FAM20B: variants seen among roughly 807,000 people sequenced by gnomAD.
FAM20B encodes glycosaminoglycan xylosylkinase.
A neutral mutation model predicts 43.8 loss-of-function variants in FAM20B; 23 were observed. The observed-to-expected ratio is 0.53, with a 90% confidence interval of 0.38 to 0.74. The LOEUF (loss-of-function observed/expected upper bound fraction) is 0.74. Ranked by LOEUF, FAM20B falls within the 30% of genes least tolerant of loss-of-function variation. The pLI, the probability that FAM20B is intolerant of heterozygous loss-of-function variation, is 0.00. For synonymous variants in FAM20B, 178 were observed against 192.4 expected (o/e 0.93, Z 0.62); for missense variants, 440 against 510.5 (o/e 0.86, Z 1.33).
chr1:179,033,322 C>T (rs1572529045), intron 1 of FAM20B, among the ~76,000 whole-genome samples: 1 of 152,208 alleles, frequency 6.6e-6, no homozygotes, highest in African/African-American at 2.4e-5. Context: ...CTTGTGGTAC[C>T]TTTAAGAGAC....
intron 2 of FAM20B, among the ~76,000 whole-genome samples, chr1:179,049,738 C>T (rs935733400): frequency 2.0e-5 from 3 of 152,176 alleles, no homozygotes; most frequent in Admixed American, 2.0e-4. Context: ...GATGGGGTTT[C>T]GCCATGTTGG....
intron 1 of FAM20B, among the ~76,000 whole-genome samples, chr1:179,040,441 C>T (rs1401879383): frequency 6.6e-6 from 1 of 150,564 alleles, no homozygotes; most frequent in African/African-American, 2.4e-5. Context: ...GGCGGCCGGG[C>T]AGAGGCGCCC....
chr1:179,063,886 G>A lies in FAM20B; in HGVS notation c.575-41G>A, dbSNP rs190818638. The stretch of plus-strand genomic sequence containing the variant: ...ATTTGGGAGAGAACTTGGAGTCTTC[G>A]TTATTTCCTTAAGTGTATTTGGCTC... On this transcript the variant is annotated intron_variant, in intron 4 of 7. Transcript: ENST00000263733. The A allele has an allele frequency of 4.8e-5, 71 of 1,480,188 alleles. No individual in the cohort carries two copies. In the Admixed American group the frequency reaches 4.9e-4, roughly 10 times the overall value. The allele number at this position is 1,480,188 out of a possible 1,614,324, so 91.7% of individuals were successfully genotyped here.
At chr1:179,019,974 G>A in the FAM20B span, among the ~76,000 whole-genome samples, 1 of 152,130 alleles carries the variant, frequency 6.6e-6, no homozygotes, top group Admixed American at 6.5e-5. Flanking sequence ...TGAGGTACTG[G>A]TTCTTTCTCC....
intron 1 of FAM20B, among the ~76,000 whole-genome samples, chr1:179,028,563 A>G (rs1304206264): frequency 6.6e-6 from 1 of 152,204 alleles, no homozygotes; most frequent in African/African-American, 2.4e-5. Flanking sequence ...GACTGCTGAC[A>G]GTGAGACTCC....
chr1:179,067,086 T>G (rs1245080407), intron 7 of FAM20B, among the ~76,000 whole-genome samples: 1 of 151,958 alleles, frequency 6.6e-6, no homozygotes, highest in African/African-American at 2.4e-5. Context: ...AATAGAAGAT[T>G]GTATGTATAC....
At chr1:179,053,582 C>T (rs72709410) in intron 3 of FAM20B, among the ~76,000 whole-genome samples, 3,285 of 152,250 alleles carry the variant, frequency 0.022, 64 homozygotes, top group Middle Eastern at 0.048. Context: ...TCCCTTGCCT[C>T]TGGGGGTATC....
At chr1:179,069,431 C>T (rs1412112287) in intron 7 of FAM20B, among the ~76,000 whole-genome samples, 1 of 152,128 alleles carries the variant, frequency 6.6e-6, no homozygotes, top group African/African-American at 2.4e-5. Flanking sequence ...AGTGTAGTGG[C>T]ACGATCTCGG....
chr1:179,066,733 A>C, intron 6 of FAM20B, 67 bp from the exon 7 acceptor site: 1 of 1,056,740 alleles, frequency 9.5e-7, no homozygotes, highest in Non-Finnish European at 1.5e-6. Context: ...AGAATTTGCT[A>C]TTGCTTTGAT....
chr1:179,054,362 C>T (rs1039776508), intron 3 of FAM20B, among the ~76,000 whole-genome samples, 167 bp from the exon 4 acceptor site: 3 of 152,134 alleles, frequency 2.0e-5, no homozygotes, highest in Non-Finnish European at 4.4e-5. Context: ...AAATTATACA[C>T]ACCTTCACAT....
At chr1:179,063,810 A>G in intron 4 of FAM20B, 117 bp from the exon 5 acceptor site, 1 of 672,314 alleles carries the variant, frequency 1.5e-6, no homozygotes, top group Non-Finnish European at 2.5e-6. Context: ...TAGTAAACTC[A>G]GGGTCTTTGT....
upstream of FAM20B, among the ~76,000 whole-genome samples, chr1:179,021,457 A>G (rs1026898706): frequency 6.6e-6 from 1 of 152,240 alleles, no homozygotes; most frequent in African/African-American, 2.4e-5. Flanking sequence ...CATATGTGGC[A>G]TTAGAGAAAT....
intron 5 of FAM20B, 94 bp from the exon 6 acceptor site, chr1:179,064,211 G>T (rs926881757): frequency 9.2e-6 from 13 of 1,417,636 alleles, no homozygotes; most frequent in Non-Finnish European, 1.3e-5. Context: ...GGAGTCAGGG[G>T]CAAACCGGTA....
Position 179,048,466 on chromosome 1 carries a change from C to G in FAM20B, c.378-1813C>G, listed in dbSNP as rs147834846. ...AGCTTTTGCATTTTACTCTGCGCAG[C>G]CTTTAGATGGATTGGAAAGCTCTCT... On this transcript the variant is annotated intron_variant, in intron 2 of 7. Transcript: ENST00000263733. 4.1e-3 allele frequency among the ~76,000 whole-genome samples: 617 copies of G among 152,300 alleles called. 1 individual carries two copies. The highest frequency in any genetic ancestry group is 6.8e-3 in the Middle Eastern group (2 of 294).
At chr1:179,062,229 G>A (rs537722311) in intron 4 of FAM20B, among the ~76,000 whole-genome samples, 1 of 152,266 alleles carries the variant, frequency 6.6e-6, no homozygotes, top group East Asian at 1.9e-4. Context: ...CGCTAGGTGT[G>A]CTCATTACTT....
At chr1:179,070,181 G>A (rs910863003) in intron 7 of FAM20B, among the ~76,000 whole-genome samples, 2 of 152,010 alleles carry the variant, frequency 1.3e-5, no homozygotes, top group South Asian at 2.1e-4. Flanking sequence ...AAGTAGCTGG[G>A]ATTACAGGCA....
chr1:179,026,148 G>T (rs193196190), intron 1 of FAM20B, 50 bp downstream of exon 1: 1 of 147,666 alleles, frequency 6.8e-6, no homozygotes, highest in Admixed American at 6.7e-5. Flanking sequence ...CCCCCGGCGC[G>T]GCGGGCGGGA....
intron 4 of FAM20B, among the ~76,000 whole-genome samples, chr1:179,061,257 T>G (rs1177767416): frequency 1.3e-5 from 2 of 152,114 alleles, no homozygotes; most frequent in African/African-American, 2.4e-5. Context: ...TTTGTATTTT[T>G]AGTAGAGACA....
chr1:179,042,646 C>T (rs2102496317), intron 1 of FAM20B, among the ~76,000 whole-genome samples: 1 of 152,274 alleles, frequency 6.6e-6, no homozygotes, highest in Middle Eastern at 3.4e-3. Context: ...GTTCTTGTCC[C>T]ATGCCCCACG....
Sources: allele counts gnomAD v4.1 joint callset (sites outside exome capture counted in the v4.1 genomes callset), GRCh38; gene constraint gnomAD v4.1.1; transcripts MANE v1.5; gene names NCBI Gene and HGNC (gene_info 2026-07-23, HGNC 2026-07-21).